IFTAP: variants seen among roughly 807,000 people sequenced by gnomAD.
IFTAP encodes the protein intraflagellar transport associated protein.
In IFTAP, 19 loss-of-function variants were observed where a neutral mutation model predicts 19.4. That is an observed-to-expected ratio of 0.98 (90% CI 0.68 to 1.44). The LOEUF (loss-of-function observed/expected upper bound fraction) is 1.44, where lower values mean the gene tolerates loss of function less well. Among genes scored for constraint, IFTAP ranks in the 40% most tolerant of loss-of-function variants. The probability of loss-of-function intolerance (pLI) is 0.00; values close to 1 mark genes in which losing one functional copy is unlikely to be tolerated. For missense variants in IFTAP, 240 were observed against 253.6 expected, an observed-to-expected ratio of 0.95 and a Z score of 0.36; for synonymous variants, 85 against 83.5, an observed-to-expected ratio of 1.02 and a Z score of -0.10.
intron 2 of IFTAP, among the ~76,000 whole-genome samples, chr11:36,617,825 C>T (rs935733570): frequency 6.6e-6 from 1 of 151,922 alleles, no homozygotes; most frequent in South Asian, 2.1e-4. Flanking sequence ...AAATAATTTG[C>T]CTGAGGTCAG....
At chr11:36,655,656 C>T (rs1853949023) in intron 5 of IFTAP, among the ~76,000 whole-genome samples, 1 of 152,112 alleles carries the variant, frequency 6.6e-6, no homozygotes, top group African/African-American at 2.4e-5. Context: ...TTAGAGTGTC[C>T]TGAATGTCAT....
intron 5 of IFTAP, among the ~76,000 whole-genome samples, chr11:36,655,595 A>C (rs1308948100): frequency 6.6e-6 from 1 of 152,192 alleles, no homozygotes; most frequent in Non-Finnish European, 1.5e-5. Flanking sequence ...TTCCTCTGAC[A>C]TTTCGACTCA....
chr11:36,599,539 A>G (rs540987438), intron 1 of IFTAP, among the ~76,000 whole-genome samples: 8 of 152,380 alleles, frequency 5.3e-5, no homozygotes, highest in Admixed American at 4.6e-4. Flanking sequence ...TAGAATGTAC[A>G]TAGTAAATCT....
chr11:36,645,160 A>C lies in IFTAP; in HGVS notation c.359-2856A>C, dbSNP rs193003372. Among the ~76,000 whole-genome samples the C allele has an allele frequency of 3.1e-3, 476 of 152,294 alleles. 3 individuals carry two copies. Among genetic ancestry groups the C allele is most frequent in the Admixed American group, 6.2e-3 (94 of 15,284 alleles). On this transcript the variant is annotated intron_variant, in intron 4 of 5. Transcript: ENST00000334307. ...TTTTATAAATATGCCAGGCAGATTTAATATTATTGTATATAAATTTTCAGA... is the reference window on the plus strand; with the variant it reads ...TTTTATAAATATGCCAGGCAGATTTCATATTATTGTATATAAATTTTCAGA...
chr11:36,622,083 A>ATTTTTTTTTTTTTTTT (rs199873596), intron 2 of IFTAP, among the ~76,000 whole-genome samples: 1 of 138,174 alleles, frequency 7.2e-6, no homozygotes, highest in African/African-American at 2.8e-5. Context: ...CTCTTGTTCT[A>ATTTTTTTTTTTTTTTT]TTTTTTATTT....
chr11:36,650,476 C>T (rs937264823), intron 5 of IFTAP, among the ~76,000 whole-genome samples: 6 of 150,124 alleles, frequency 4.0e-5, no homozygotes, highest in Admixed American at 1.3e-4. Context: ...GGGTAATTAG[C>T]ATATCCATCA....
intron 2 of IFTAP, among the ~76,000 whole-genome samples, chr11:36,621,196 A>G (rs1297672637): frequency 6.6e-6 from 1 of 152,058 alleles, no homozygotes; most frequent in Admixed American, 6.6e-5. Flanking sequence ...TGAGGTGGTC[A>G]TAAGACAGTG....
In IFTAP at chr11:36,610,217, C is replaced by T; in HGVS notation, c.114C>T (p.Asn38=). The T allele has an allele frequency of 2.5e-6, 4 of 1,607,778 alleles. No individual in the cohort carries two copies. In the South Asian group the frequency reaches 4.4e-5, roughly 18 times the overall value. ...AAACATATGATGAAGAATTTCTGAA[C>T]ACTTTTACTCATCTTTCACAAGGTA... ...HEQTYDEEFL[N]TFTHLSQEDH... The change falls in exon 2 of 6, where the codon AAC becomes AAT. Residue 38 remains asparagine (N), a synonymous_variant. Transcript: ENST00000334307.
intron 4 of IFTAP, among the ~76,000 whole-genome samples, chr11:36,640,889 G>T (rs914839504): frequency 1.3e-5 from 2 of 152,136 alleles, no homozygotes; most frequent in African/African-American, 2.4e-5. Flanking sequence ...ATACATAGGG[G>T]AAAGATCCAT....
rs75533805 is a variant in IFTAP, at chr11:36,597,917, C to A, written c.-24+3325C>A. On this transcript the variant is annotated intron_variant, in intron 1 of 5. Coordinates refer to ENST00000334307, the MANE Select transcript of IFTAP (RefSeq NM_138787.4). ...TGCTCTAAAGGCCTAATAATTAAAT[C>A]CCTGAAGCAGCCAGAGAACAGAAAG... 0.012 allele frequency among the ~76,000 whole-genome samples: 1,824 copies of A among 152,138 alleles called. 21 individuals carry two copies. The highest frequency in any genetic ancestry group is 0.032 in the East Asian group (162 of 5,138).
At chr11:36,614,572 C>T (rs201546263) in intron 2 of IFTAP, among the ~76,000 whole-genome samples, 5,745 of 133,988 alleles carry the variant, frequency 0.043, 119 homozygotes, top group African/African-American at 0.065. Flanking sequence ...ACATCCTCTC[C>T]AGCGCCTGTT....
chr11:36,600,774 G>C (rs1198434174), intron 1 of IFTAP, among the ~76,000 whole-genome samples: 2 of 152,228 alleles, frequency 1.3e-5, no homozygotes, highest in African/African-American at 4.8e-5. Flanking sequence ...TTGAGGCAGA[G>C]TAAAACAGAG....
chr11:36,630,167 G>A (rs1441224857), intron 2 of IFTAP, among the ~76,000 whole-genome samples: 1 of 151,318 alleles, frequency 6.6e-6, no homozygotes, highest in Non-Finnish European at 1.5e-5. Context: ...CAGATTCTGG[G>A]CTGTGCCAGC....
chr11:36,609,628 C>T (rs1300485039), intron 1 of IFTAP, among the ~76,000 whole-genome samples: 1 of 152,078 alleles, frequency 6.6e-6, no homozygotes, highest in African/African-American at 2.4e-5. Context: ...CATACTGACT[C>T]TGTGACCTTA....
intron 5 of IFTAP, among the ~76,000 whole-genome samples, chr11:36,658,797 C>CTG (rs1168701825): frequency 1.3e-5 from 2 of 152,100 alleles, no homozygotes; most frequent in Non-Finnish European, 2.9e-5. Flanking sequence ...TAATGATATT[C>CTG]ATTCAGATAG....
At chr11:36,653,001 C>A (rs141444255) in intron 5 of IFTAP, among the ~76,000 whole-genome samples, 1 of 152,210 alleles carries the variant, frequency 6.6e-6, no homozygotes, top group African/African-American at 2.4e-5. Context: ...CCCACCCTCT[C>A]CCCGTGAAAA....
intron 5 of IFTAP, among the ~76,000 whole-genome samples, chr11:36,652,474 G>A (rs1402686658): frequency 6.6e-6 from 1 of 152,140 alleles, no homozygotes; most frequent in Non-Finnish European, 1.5e-5. Flanking sequence ...GGGTTTTCTA[G>A]ATAGACAATC....
intron 1 of IFTAP, among the ~76,000 whole-genome samples, chr11:36,605,986 G>A (rs902802338): frequency 6.6e-6 from 1 of 152,140 alleles, no homozygotes; most frequent in African/African-American, 2.4e-5. Flanking sequence ...AAACCCACTA[G>A]GATTTGCATA....
intron 2 of IFTAP, among the ~76,000 whole-genome samples, chr11:36,628,207 G>A (rs1030027132): frequency 6.6e-6 from 1 of 150,632 alleles, no homozygotes; most frequent in East Asian, 1.9e-4. Context: ...AGTTTTTGTC[G>A]GGCCCTCCAA....
Sources: allele counts gnomAD v4.1 joint callset (sites outside exome capture counted in the v4.1 genomes callset), GRCh38; gene constraint gnomAD v4.1.1; transcripts MANE v1.5; gene names NCBI Gene and HGNC (gene_info 2026-07-23, HGNC 2026-07-21).